The following CDK14 variants were observed in gnomAD, a reference collection of about 807,000 sequenced individuals.
The protein encoded by CDK14 is cyclin dependent kinase 14.
In CDK14, 34 loss-of-function variants were observed where a neutral mutation model predicts 60.7. The ratio of observed to expected loss-of-function variants is 0.56; its 90% CI spans 0.43 to 0.75. CDK14 has a LOEUF of 0.75. Among genes scored for constraint, CDK14 ranks in the 30% least tolerant of loss-of-function variants. CDK14 has a pLI of 0.00. For missense variants in CDK14, 482 were observed against 564.1 expected (o/e 0.85, Z 1.47); for synonymous variants, 197 against 203.7 (o/e 0.97, Z 0.28).
At chr7:90,975,129 C>T (rs1187284177) in intron 9 of CDK14, among the ~76,000 whole-genome samples, 1 of 152,126 alleles carries the variant, frequency 6.6e-6, no homozygotes, top group Non-Finnish European at 1.5e-5. Flanking sequence ...AGAAGACCTT[C>T]CCACAGAAGT....
intron 11 of CDK14, among the ~76,000 whole-genome samples, chr7:91,062,486 G>A (rs967589453): frequency 6.6e-5 from 10 of 152,014 alleles, no homozygotes; most frequent in South Asian, 2.1e-4. Context: ...TGTCTTCTTC[G>A]TCGCTCACGG....
Position 91,169,667 on chromosome 7 carries a change from C to T in CDK14, c.*29-37498C>T, listed in dbSNP as rs1801453112. Among the ~76,000 whole-genome samples, 3 of 152,308 alleles carry T rather than the reference C, an allele frequency of 2.0e-5. No homozygotes were observed. In the South Asian group the frequency reaches 6.2e-4, roughly 32 times the overall value. ...ATTTACCAATGACCAGGTTTTTCTA[C>T]TCTGAAACAGTAACAAGCCTGCCAG... On this transcript the variant is annotated intron_variant, in intron 14 of 14. Transcript: ENST00000380050.
intron 2 of CDK14, among the ~76,000 whole-genome samples, chr7:90,697,777 A>G (rs1801691607): frequency 6.6e-6 from 1 of 152,180 alleles, no homozygotes; most frequent in African/African-American, 2.4e-5. Flanking sequence ...CACTTAAAAA[A>G]AAGTGTTGCG....
chr7:90,978,257 A>G (rs1316027755), intron 9 of CDK14, among the ~76,000 whole-genome samples: 2 of 152,172 alleles, frequency 1.3e-5, no homozygotes, highest in Non-Finnish European at 2.9e-5. Flanking sequence ...GATAGAGGTC[A>G]GCCGCACAGC....
At chr7:90,793,094 C>T (rs773177594) in intron 5 of CDK14, among the ~76,000 whole-genome samples, 3 of 147,272 alleles carry the variant, frequency 2.0e-5, no homozygotes, top group African/African-American at 7.5e-5. Context: ...AATTTCTTTC[C>T]ACTCTGTATA....
chr7:91,015,196 A>G (rs578244508), intron 10 of CDK14, among the ~76,000 whole-genome samples: 4 of 152,190 alleles, frequency 2.6e-5, no homozygotes, highest in Admixed American at 2.6e-4. Flanking sequence ...TTCCTCTTTA[A>G]CAAATCAGAT....
intron 12 of CDK14, among the ~76,000 whole-genome samples, chr7:91,103,117 G>T (rs936560128): frequency 3.9e-5 from 6 of 152,082 alleles, no homozygotes; most frequent in African/African-American, 1.4e-4. Context: ...GCCAGGCTTG[G>T]TGGTGTGCAC....
chr7:91,003,722 T>C (rs1029466819), intron 10 of CDK14, among the ~76,000 whole-genome samples: 4 of 152,176 alleles, frequency 2.6e-5, no homozygotes, highest in African/African-American at 9.7e-5. Context: ...TCCAGAACCC[T>C]GTTACATGGC....
intron 3 of CDK14, among the ~76,000 whole-genome samples, chr7:90,735,175 G>A (rs754498626): frequency 4.6e-5 from 7 of 152,226 alleles, no homozygotes; most frequent in Admixed American, 1.3e-4. Context: ...CTGTTCCTTC[G>A]TCTGGAAGCT....
intron 9 of CDK14, among the ~76,000 whole-genome samples, chr7:90,982,401 C>T (rs1028158177): frequency 6.6e-6 from 1 of 152,170 alleles, no homozygotes; most frequent in East Asian, 1.9e-4. Context: ...CAGTCTGGCT[C>T]AGCGATTCTC....
intron 14 of CDK14, among the ~76,000 whole-genome samples, chr7:91,156,586 G>A (rs904965411): frequency 1.3e-5 from 2 of 152,078 alleles, no homozygotes; most frequent in Non-Finnish European, 2.9e-5. Flanking sequence ...GAAGCAATTC[G>A]TACTCCCCAA....
intron 2 of CDK14, among the ~76,000 whole-genome samples, chr7:90,689,748 C>A (rs1020162875): frequency 6.6e-6 from 1 of 151,922 alleles, no homozygotes; most frequent in Admixed American, 6.6e-5. Flanking sequence ...TCCATAATTC[C>A]AGGGAATTTT....
chr7:91,062,782 A>G (rs1797847865), intron 11 of CDK14, among the ~76,000 whole-genome samples: 1 of 152,162 alleles, frequency 6.6e-6, no homozygotes, highest in Admixed American at 6.5e-5. Context: ...CCAAAGGTGT[A>G]CTATACCCCA....
At chr7:90,760,481 C>T (rs1365864310) in intron 4 of CDK14, among the ~76,000 whole-genome samples, 1 of 152,160 alleles carries the variant, frequency 6.6e-6, no homozygotes, top group Non-Finnish European at 1.5e-5. Context: ...TGAGAGGTTA[C>T]CTGCCCACAA....
At chr7:91,092,615 T>A (rs1410062701) in intron 12 of CDK14, among the ~76,000 whole-genome samples, 1 of 152,232 alleles carries the variant, frequency 6.6e-6, no homozygotes, top group Non-Finnish European at 1.5e-5. Flanking sequence ...AGCAACTGTT[T>A]CTGTGTTGGG....
At chr7:90,922,261 A>T (rs940252939) in intron 8 of CDK14, among the ~76,000 whole-genome samples, 3 of 152,204 alleles carry the variant, frequency 2.0e-5, no homozygotes, top group Non-Finnish European at 4.4e-5. Context: ...TAGCAAAAAC[A>T]ACTTTATTAC....
intron 8 of CDK14, among the ~76,000 whole-genome samples, chr7:90,952,210 G>GT (rs1244526937): frequency 6.6e-6 from 1 of 152,124 alleles, no homozygotes; most frequent in Non-Finnish European, 1.5e-5. Flanking sequence ...CCATTGTTTG[G>GT]TGCTGAATGG....
At chr7:90,642,432 A>G (rs1800360679) in intron 2 of CDK14, among the ~76,000 whole-genome samples, 1 of 152,218 alleles carries the variant, frequency 6.6e-6, no homozygotes, top group Non-Finnish European at 1.5e-5. Context: ...TGTTTTAAAT[A>G]TGAATTTCTA....
intron 5 of CDK14, among the ~76,000 whole-genome samples, chr7:90,801,104 A>T (rs919255286): frequency 1.3e-5 from 2 of 152,166 alleles, no homozygotes; most frequent in African/African-American, 4.8e-5. Flanking sequence ...GGCTGACATA[A>T]ATTTCTGAGA....
Sources: gnomAD v4.1 joint callset for allele counts (sites outside exome capture counted in the v4.1 genomes callset) on GRCh38, gnomAD v4.1.1 for gene constraint, MANE v1.5 for transcripts, NCBI Gene and HGNC (gene_info 2026-07-23, HGNC 2026-07-21) for gene names.